Variants in PCDHGB7 observed in about 807,000 individuals in gnomAD.
PCDHGB7 encodes the protein protocadherin gamma subfamily B, 7, also known as protocadherin gamma-B7.
Under a neutral mutation model 61.4 loss-of-function variants are expected in PCDHGB7, and 37 were observed. The observed-to-expected ratio is 0.60, with a 90% CI of 0.46 to 0.79. PCDHGB7 has a LOEUF of 0.79. PCDHGB7 is among the 30% of genes least tolerant of loss of function. The pLI is 0.00. For missense variants in PCDHGB7, 1,166 were observed against 1,202.5 expected, an observed-to-expected ratio of 0.97 and a Z score of 0.45; for synonymous variants, 464 against 503.5, an observed-to-expected ratio of 0.92 and a Z score of 1.05.
Position 141,468,837 on chromosome 5 carries a change from G to A in PCDHGB7, c.2416-25970G>A, listed in dbSNP as rs550455857. ...GCCAAGATCAAGCCACTGCACTCCA[G>A]CCTGGGCAACAGAGCGAGACTCCAT... On this transcript the variant is annotated intron_variant, in intron 1 of 3. Transcript: ENST00000398594. 3.3e-5 allele frequency among the ~76,000 whole-genome samples: 5 copies of A among 152,228 alleles called. No homozygotes were observed. The East Asian group carries it at 9.7e-4, about 29-fold the overall frequency.
At chr5:141,464,407 A>G (rs996561936) in intron 1 of PCDHGB7, among the ~76,000 whole-genome samples, 1 of 151,544 alleles carries the variant, frequency 6.6e-6, no homozygotes, top group Non-Finnish European at 1.5e-5. Flanking sequence ...CCTGAGATAT[A>G]TATATATCTA....
chr5:141,478,323 G>A, intron 1 of PCDHGB7: 2 of 1,613,958 alleles, frequency 1.2e-6, no homozygotes, highest in Non-Finnish European at 8.5e-7. Flanking sequence ...TCACTGTACC[G>A]AACACCAGGG....
At position 141,423,488 on chromosome 5, in the gene PCDHGB7, A is replaced by G. The variant is rs141810253; in HGVS notation, c.2415+3214A>G. The G allele has an allele frequency of 9.2e-4, 1,481 of 1,613,946 alleles. 7 individuals carry two copies. The highest frequency in any genetic ancestry group is 3.0e-3 in the Middle Eastern group (18 of 6,062). On this transcript the variant is annotated intron_variant, in intron 1 of 3. Transcript: ENST00000398594. The stretch of plus-strand genomic sequence containing the variant: ...GGGGTACAGGCTTTCCTGCAAACCT[A>G]TTCCCACGAGGTCTCTCTCATTGCG...
chr5:141,494,074 C>A (rs2099751716), intron 1 of PCDHGB7, among the ~76,000 whole-genome samples: 1 of 152,180 alleles, frequency 6.6e-6, no homozygotes, highest in Non-Finnish European at 1.5e-5. Context: ...GGATCCCTCC[C>A]CGCTGCATCC....
chr5:141,491,742 C>T lies in PCDHGB7; in HGVS notation c.2416-3065C>T. On this transcript the variant is annotated intron_variant, in intron 1 of 3. Transcript: ENST00000398594. This position sits in a 1 kb window ranked among gnomAD's most constrained non-coding sequence, Gnocchi z 6.9. ...CGCCCCGGGCGACCCCTGGGGGCGG[C>T]ACTGGAGAAGCCGCCCGTCCTCATA... 6.3e-7 allele frequency: 1 copy of T among 1,596,114 alleles called. No individual in the cohort carries two copies. Among genetic ancestry groups the T allele is most frequent in the African/African-American group, 1.3e-5 (1 of 74,260 alleles).
At chr5:141,506,649 T>C (rs1487823663) in intron 3 of PCDHGB7, among the ~76,000 whole-genome samples, 1 of 152,114 alleles carries the variant, frequency 6.6e-6, no homozygotes, top group Admixed American at 6.6e-5. Context: ...CAGCACAGGA[T>C]TGGCAGAGAG....
chr5:141,440,330 G>A (rs1377511406), intron 1 of PCDHGB7: 1 of 152,162 alleles, frequency 6.6e-6, no homozygotes, highest in Non-Finnish European at 1.5e-5. Context: ...ACTGGGCATG[G>A]TGGTGCAGGC....
chr5:141,474,516 T>G (rs999585038), intron 1 of PCDHGB7, among the ~76,000 whole-genome samples: 1 of 152,240 alleles, frequency 6.6e-6, no homozygotes, highest in Non-Finnish European at 1.5e-5. Context: ...GCCCTCTTGC[T>G]GGTCTGGCTA....
chr5:141,422,477 A>G (rs1230502545), intron 1 of PCDHGB7: 2 of 1,613,904 alleles, frequency 1.2e-6, no homozygotes, highest in Admixed American at 1.7e-5. Flanking sequence ...GAGTTGGTCC[A>G]GAGCTACAAT....
chr5:141,432,575 T>TACC lies in PCDHGB7; in HGVS notation c.2415+12302_2415+12304dup, dbSNP rs1044250629. 6.2e-7 allele frequency: 1 copy of TACC among 1,613,326 alleles called. No individual in the cohort carries two copies. The highest frequency in any genetic ancestry group is 1.3e-5 in the African/African-American group (1 of 74,718). ...CTCCGGCCAGAACGCCTGGCTGTCC[T>TACC]ACCGTCTGCTCAAGGCCAGCGAGCC... On this transcript the variant is annotated intron_variant, in intron 1 of 3. Transcript: ENST00000398594. This position sits in a 1 kb window ranked among gnomAD's most constrained non-coding sequence, Gnocchi z 6.0.
Position 141,477,554 on chromosome 5 carries a change from A to T in PCDHGB7, c.2416-17253A>T. The T allele has an allele frequency of 6.2e-7, 1 of 1,614,112 alleles. No homozygotes were observed. Among genetic ancestry groups the T allele is most frequent in the South Asian group, 1.1e-5 (1 of 91,086 alleles). Reference sequence around the variant, plus strand: ...CCCCGGGGCTCCAATACTAAACCTAAGTGTCTGGGACCCCGACGCCCCGCA... The same window carrying T: ...CCCCGGGGCTCCAATACTAAACCTATGTGTCTGGGACCCCGACGCCCCGCA... On this transcript the variant is annotated intron_variant, in intron 1 of 3. Transcript: ENST00000398594. This position sits in a 1 kb window ranked among gnomAD's most constrained non-coding sequence, Gnocchi z 4.9.
chr5:141,486,498 T>C lies in PCDHGB7; in HGVS notation c.2416-8309T>C, dbSNP rs755907391. On this transcript the variant is annotated intron_variant, in intron 1 of 3. Coordinates refer to ENST00000398594, the MANE Select transcript of PCDHGB7 (RefSeq NM_018927.4). The surrounding 1 kb of genome is among the most constrained non-coding windows in gnomAD (Gnocchi z 5.0). The stretch of plus-strand genomic sequence containing the variant: ...CCTCTCAGTACCCACAGAACTATTT[T>C]CCTCAATATTTCAGATGTGAATGAT... 6.2e-7 allele frequency: 1 copy of C among 1,614,030 alleles called. No individual in the cohort carries two copies. The highest frequency in any genetic ancestry group is 8.5e-7 in the Non-Finnish European group (1 of 1,179,874).
In PCDHGB7 at chr5:141,450,032, G is replaced by A. The variant is rs146567243; in HGVS notation, c.2415+29758G>A. Among the ~76,000 whole-genome samples the A allele has an allele frequency of 4.6e-3, 607 of 131,666 alleles. 4 individuals are homozygous for A. The highest frequency in any genetic ancestry group is 0.017 in the African/African-American group (550 of 33,158). The allele number at this position is 131,666 out of a possible 152,430, so 86.4% of individuals were successfully genotyped here. A position where few individuals can be genotyped will look rare whatever the true frequency, so the allele number is the denominator to read the frequency against. On this transcript the variant is annotated intron_variant, in intron 1 of 3. Transcript: ENST00000398594. ...TTTTTTTTTTTTTTTTTTGAGACAG[G>A]GTCTCACTCTTTCGCCCAGGCTGGA... is the stretch of plus-strand genomic sequence containing the variant.
In PCDHGB7 at chr5:141,428,010, G is replaced by C. The variant is rs544491298; in HGVS notation, c.2415+7736G>C. The C allele has an allele frequency of 1.2e-4, 192 of 1,603,004 alleles. 6 individuals are homozygous for C. In the South Asian group the frequency reaches 2.0e-3, roughly 17 times the overall value. ...CGATGGCTCCGCACTCTTCGATATA[G>C]TGCCACGCGCCGCAGAGTCCGGCTA... On this transcript the variant is annotated intron_variant, in intron 1 of 3. Transcript: ENST00000398594.
chr5:141,422,605 G>A (rs2096658595), intron 1 of PCDHGB7: 1 of 1,613,898 alleles, frequency 6.2e-7, no homozygotes, highest in Non-Finnish European at 8.5e-7. Flanking sequence ...CTCTTACTCT[G>A]CCTACATTCC....
At chr5:141,469,896 C>T (rs934040636) in intron 1 of PCDHGB7, among the ~76,000 whole-genome samples, 4 of 152,074 alleles carry the variant, frequency 2.6e-5, no homozygotes, top group Admixed American at 6.5e-5. Context: ...TTTGGGAAGC[C>T]GAGGCAGGCA....
Position 141,485,119 on chromosome 5 carries a change from C to A in PCDHGB7, c.2416-9688C>A. 3.0e-6 allele frequency: 4 copies of A among 1,328,812 alleles called. No homozygotes were observed. Among genetic ancestry groups the A allele is most frequent in the Non-Finnish European group, 4.3e-6 (4 of 935,940 alleles). The allele number at this position is 1,328,812 out of a possible 1,614,324, so 82.3% of individuals were successfully genotyped here. ...CTCCAGCTGCTGTGGCTGTTTGGGG[C>A]GGGTCGGCTTCATCCGCGTCTCAGG... On this transcript the variant is annotated intron_variant, in intron 1 of 3. Transcript: ENST00000398594. This position sits in a 1 kb window ranked among gnomAD's most constrained non-coding sequence, Gnocchi z 5.7.
chr5:141,431,068 A>G lies in PCDHGB7; in HGVS notation c.2415+10794A>G. 2 of 1,614,218 alleles carry G rather than the reference A, an allele frequency of 1.2e-6. No individual in the cohort carries two copies. Among genetic ancestry groups the G allele is most frequent in the South Asian group, 1.1e-5 (1 of 91,088 alleles). On this transcript the variant is annotated intron_variant, in intron 1 of 3. Coordinates refer to ENST00000398594, the MANE Select transcript of PCDHGB7 (RefSeq NM_018927.4). The surrounding 1 kb of genome is among the most constrained non-coding windows in gnomAD (Gnocchi z 4.8). ...TCTGTATGGGGGCCATCAAGTGTCA[A>G]TTAAATCTAGACATTCTGATGGAGG...
chr5:141,486,405 G>A lies in PCDHGB7; in HGVS notation c.2416-8402G>A. 6.2e-7 allele frequency: 1 copy of A among 1,614,114 alleles called. No homozygotes were observed. The highest frequency in any genetic ancestry group is 2.2e-5 in the East Asian group (1 of 44,862). On this transcript the variant is annotated intron_variant, in intron 1 of 3. Transcript: ENST00000398594. The surrounding 1 kb of genome is among the most constrained non-coding windows in gnomAD (Gnocchi z 5.0). ...AACCAGTTCTCCCTGGTGACTGCTG[G>A]ACCCTTGGATCGAGAGGCCAAATCT...
Sources: allele counts gnomAD v4.1 joint callset (sites outside exome capture counted in the v4.1 genomes callset), GRCh38; gene constraint gnomAD v4.1.1; non-coding constraint Gnocchi (gnomAD v3.1); transcripts MANE v1.5; gene names NCBI Gene and HGNC (gene_info 2026-07-23, HGNC 2026-07-21).